The following CAST variants were observed in gnomAD, a reference collection of about 807,000 sequenced individuals.
CAST encodes calpastatin, also known as MIR583 host.
A neutral mutation model predicts 119.6 loss-of-function variants in CAST; 76 were observed. The observed-to-expected ratio is 0.64, with a 90% CI of 0.53 to 0.77. The LOEUF (loss-of-function observed/expected upper bound fraction) is 0.77, where lower values mean the gene tolerates loss of function less well. CAST is among the 30% of genes least tolerant of loss of function. The pLI is 0.00. For synonymous variants in CAST, 319 were observed against 331.6 expected (o/e 0.96, Z 0.41); for missense variants, 953 against 946.5 (o/e 1.01, Z -0.09).
chr5:96,160,395 G>A, the CAST span, among the ~76,000 whole-genome samples: 1 of 152,122 alleles, frequency 6.6e-6, no homozygotes. Context: ...CATTCACTTA[G>A]CATAATGATT....
At chr5:96,204,918 A>T in the CAST span, among the ~76,000 whole-genome samples, 1 of 152,104 alleles carries the variant, frequency 6.6e-6, no homozygotes, top group Admixed American at 6.6e-5. Flanking sequence ...AGTCCTCAAT[A>T]GCATCATGAG....
chr5:96,620,634 C>T (rs1049102342), intron 1 of CAST, among the ~76,000 whole-genome samples: 1 of 152,052 alleles, frequency 6.6e-6, no homozygotes, highest in African/African-American at 2.4e-5. Flanking sequence ...ACGTTTTTGA[C>T]TTATGATATT....
chr5:96,716,159 A>G (rs984618796), intron 3 of CAST, among the ~76,000 whole-genome samples: 1 of 152,260 alleles, frequency 6.6e-6, no homozygotes, highest in East Asian at 1.9e-4. Context: ...TGTATTCAAT[A>G]GACCTATAAA....
intron 3 of CAST, among the ~76,000 whole-genome samples, chr5:96,707,033 A>G (rs1274908127): frequency 6.6e-6 from 1 of 152,182 alleles, no homozygotes; most frequent in Non-Finnish European, 1.5e-5. Context: ...CCGAGGTGCA[A>G]AAGTGCAAAG....
At chr5:96,750,807 C>T (rs1581265706) in intron 20 of CAST, 125 bp downstream of exon 20, 1 of 542,506 alleles carries the variant, frequency 1.8e-6, no homozygotes, top group Non-Finnish European at 3.3e-6. Flanking sequence ...AATCTGATAT[C>T]ATTATAGTAT....
Position 96,665,898 on chromosome 5 carries a change from ATGTC to A in CAST, c.75+3409_75+3412del, listed in dbSNP as rs201089280. 4.6e-3 allele frequency among the ~76,000 whole-genome samples: 702 copies of A among 151,562 alleles called. 7 individuals are homozygous for A. The highest frequency in any genetic ancestry group is 0.014 in the African/African-American group (557 of 40,838). On this transcript the variant is annotated intron_variant, in intron 1 of 31. Coordinates refer to ENST00000675179, the MANE Select transcript of CAST (RefSeq NM_001750.7). ...TATGTATCTACAGATATAAATACAG[ATGTC>A]TGTCTGTATGTACACATGCATGTAT...
At chr5:96,023,815 C>G in the CAST span, among the ~76,000 whole-genome samples, 1 of 151,770 alleles carries the variant, frequency 6.6e-6, no homozygotes, top group African/African-American at 2.4e-5. Context: ...AAAAATAAGA[C>G]ATGCAACATG....
intron 3 of CAST, among the ~76,000 whole-genome samples, chr5:96,720,891 G>A (rs983446606): frequency 6.6e-5 from 10 of 152,150 alleles, no homozygotes; most frequent in Admixed American, 4.6e-4. Flanking sequence ...CTGTGTTGGT[G>A]TTGCATGGTT....
intron 1 of CAST, among the ~76,000 whole-genome samples, chr5:96,610,931 T>TAC (rs948956460): frequency 8.6e-5 from 13 of 151,602 alleles, no homozygotes; most frequent in African/African-American, 1.5e-4. Context: ...GCCACACACA[T>TAC]ACACACACAC....
the CAST span, among the ~76,000 whole-genome samples, chr5:96,126,709 T>C: frequency 6.6e-6 from 1 of 152,176 alleles, no homozygotes; most frequent in Non-Finnish European, 1.5e-5. Context: ...TTTATCTCCA[T>C]GTACCACAAA....
chr5:96,022,714 T>C, the CAST span, among the ~76,000 whole-genome samples: 1 of 152,004 alleles, frequency 6.6e-6, no homozygotes, highest in Admixed American at 6.5e-5. Flanking sequence ...AGAGACTTAG[T>C]TTAAAGAATT....
chr5:96,314,029 CA>C, the CAST span, among the ~76,000 whole-genome samples: 1 of 152,114 alleles, frequency 6.6e-6, no homozygotes, highest in Non-Finnish European at 1.5e-5. Context: ...ATGCAGTACC[CA>C]AATATACATG....
the CAST span, among the ~76,000 whole-genome samples, chr5:95,967,589 T>C: frequency 6.6e-6 from 1 of 152,160 alleles, no homozygotes; most frequent in Non-Finnish European, 1.5e-5. Context: ...GCTACTGTTC[T>C]TCTAACAGTG....
chr5:96,267,771 A>G, the CAST span, among the ~76,000 whole-genome samples: 1 of 152,230 alleles, frequency 6.6e-6, no homozygotes, highest in Non-Finnish European at 1.5e-5. Context: ...ATACACTAAC[A>G]AACCCAGAAT....
chr5:96,497,670 T>A, the CAST span, among the ~76,000 whole-genome samples: 1 of 152,248 alleles, frequency 6.6e-6, no homozygotes, highest in Non-Finnish European at 1.5e-5. Context: ...TTTTCAGAAG[T>A]GTCTGTTCAT....
the CAST span, among the ~76,000 whole-genome samples, chr5:96,459,453 A>G: frequency 3.9e-5 from 6 of 152,206 alleles, no homozygotes; most frequent in Non-Finnish European, 7.3e-5. Context: ...TCCTCCAGAA[A>G]TAACATCAAG....
intron 2 of CAST, among the ~76,000 whole-genome samples, chr5:96,690,216 G>A (rs1752569487): frequency 6.6e-6 from 1 of 152,058 alleles, no homozygotes; most frequent in African/African-American, 2.4e-5. Flanking sequence ...ATTTCATTCA[G>A]TATGTGAATT....
chr5:96,230,421 T>C, the CAST span, among the ~76,000 whole-genome samples: 1 of 152,196 alleles, frequency 6.6e-6, no homozygotes, highest in African/African-American at 2.4e-5. Flanking sequence ...ATAATCCTAA[T>C]AATTATCATC....
chr5:96,303,630 G>A, the CAST span, among the ~76,000 whole-genome samples: 6 of 140,538 alleles, frequency 4.3e-5, no homozygotes, highest in African/African-American at 1.6e-4. Context: ...CCCCCAGTTT[G>A]TGATGTTCCC....
Sources: gnomAD v4.1 joint callset for allele counts (sites outside exome capture counted in the v4.1 genomes callset) on GRCh38, gnomAD v4.1.1 for gene constraint, MANE v1.5 for transcripts, NCBI Gene and HGNC (gene_info 2026-07-23, HGNC 2026-07-21) for gene names.